Variants in ADGRL4 observed in about 807,000 individuals in gnomAD.
ADGRL4 encodes adhesion G protein-coupled receptor L4, also known as EGF, latrophilin and seven transmembrane domain containing 1.
Under a neutral mutation model 74.8 loss-of-function variants are expected in ADGRL4, and 90 were observed. The observed-to-expected ratio is 1.20, with a 90% CI of 1.02 to 1.43. The LOEUF is 1.43. ADGRL4 is among the 40% of genes most tolerant of loss of function. The pLI, the probability that ADGRL4 is intolerant of heterozygous loss-of-function variation, is 0.00. For synonymous variants in ADGRL4, 311 were observed against 279.2 expected (o/e 1.11, Z -1.14); for missense variants, 881 against 814.3 (o/e 1.08, Z -1.00).
intron 2 of ADGRL4, among the ~76,000 whole-genome samples, chr1:79,004,293 CAG>C (rs1180588138): frequency 1.3e-5 from 2 of 151,980 alleles, no homozygotes; most frequent in African/African-American, 4.8e-5. Context: ...CTCTTCTACA[CAG>C]GACGTTGGTC....
intron 2 of ADGRL4, among the ~76,000 whole-genome samples, chr1:78,986,150 C>A (rs558375573): frequency 6.6e-6 from 1 of 151,808 alleles, no homozygotes; most frequent in African/African-American, 2.4e-5. Context: ...AACAAACCTG[C>A]ACATGAATCC....
intron 2 of ADGRL4, among the ~76,000 whole-genome samples, chr1:78,976,805 A>T (rs78253602): frequency 0.078 from 11,815 of 151,290 alleles, 486 homozygotes; most frequent in South Asian, 0.11. Flanking sequence ...AGAAAAAAAA[A>T]AAACCTCCAG....
Position 78,913,646 on chromosome 1 carries a change from G to A in ADGRL4, c.1749+3988C>T, listed in dbSNP as rs116249288. On this transcript the variant is annotated intron_variant, in intron 12 of 14. Transcript: ENST00000370742. ...TGAGTGTAGAAGATGGAAGGAGGGA[G>A]AAGATCAGGTAAAATCACTAATGGG... Among the ~76,000 whole-genome samples, 554 of 151,890 alleles carry A rather than the reference G, an allele frequency of 3.6e-3. 7 individuals carry two copies. The highest frequency in any genetic ancestry group is 0.013 in the African/African-American group (525 of 41,470).
rs940203336 is a variant in ADGRL4 at position 78,890,679 on chromosome 1, C to G, written c.*475G>C. On this transcript the variant is annotated 3_prime_UTR_variant, in exon 15 of 15. Transcript: ENST00000370742. ...AAAAAACAGTTCATTCAAAATACATCTTATCATTCCCTTTTCACTGTTTGA... is the reference window on the plus strand; with the variant it reads ...AAAAAACAGTTCATTCAAAATACATGTTATCATTCCCTTTTCACTGTTTGA... 2 of 153,094 alleles carry G rather than the reference C, an allele frequency of 1.3e-5. No individual in the cohort carries two copies. Among genetic ancestry groups the G allele is most frequent in the Admixed American group, 1.3e-4 (2 of 15,310 alleles). 9.5% of individuals were successfully genotyped at this position (153,094 alleles called of 1,614,324 possible).
At chr1:78,949,310 G>T (rs527373720) in intron 2 of ADGRL4, among the ~76,000 whole-genome samples, 2 of 152,054 alleles carry the variant, frequency 1.3e-5, no homozygotes, top group Non-Finnish European at 2.9e-5. Flanking sequence ...TACATTAATA[G>T]GTAGAAAAAA....
At chr1:78,966,197 G>A (rs186567200) in intron 2 of ADGRL4, among the ~76,000 whole-genome samples, 10 of 152,224 alleles carry the variant, frequency 6.6e-5, no homozygotes, top group East Asian at 3.9e-4. Context: ...CCTTTGCAGC[G>A]GGGAAGAGCC....
chr1:78,975,712 G>C (rs531569276), intron 2 of ADGRL4, among the ~76,000 whole-genome samples: 3 of 151,650 alleles, frequency 2.0e-5, no homozygotes, highest in Non-Finnish European at 2.9e-5. Flanking sequence ...ACTATTTTGC[G>C]CTGGGCAAGG....
rs534810888 is a variant in ADGRL4, at chr1:78,959,513, T to G, written c.173-13087A>C. On this transcript the variant is annotated intron_variant, in intron 2 of 14. Transcript: ENST00000370742. ...AGCAAAAACACATTCATAGCATCCTTAACATCTTCAGTTAGTCATGTCTCC... is the reference window on the plus strand; with the variant it reads ...AGCAAAAACACATTCATAGCATCCTGAACATCTTCAGTTAGTCATGTCTCC... Among the ~76,000 whole-genome samples, 11 of 152,280 alleles carry G rather than the reference T, an allele frequency of 7.2e-5. No individual in the cohort carries two copies. In the South Asian group the frequency reaches 2.1e-3, roughly 29 times the overall value.
chr1:78,962,163 G>A (rs913463199), intron 2 of ADGRL4, among the ~76,000 whole-genome samples: 1 of 152,160 alleles, frequency 6.6e-6, no homozygotes. Context: ...TTACAGGCAT[G>A]AGCCACCGGG....
At chr1:78,995,143 T>C (rs1459627855) in intron 2 of ADGRL4, among the ~76,000 whole-genome samples, 1 of 152,146 alleles carries the variant, frequency 6.6e-6, no homozygotes, top group Non-Finnish European at 1.5e-5. Context: ...ACCTTCCCAA[T>C]AGGAGAGCAA....
chr1:78,945,957 A>T (rs1048785448), intron 3 of ADGRL4, among the ~76,000 whole-genome samples: 1 of 152,136 alleles, frequency 6.6e-6, no homozygotes. Context: ...ATTATTCTAA[A>T]GTGTAAACAT....
Position 78,946,423 on chromosome 1 carries a change from T to C in ADGRL4, c.176A>G (p.Asp59Gly). 6.2e-7 allele frequency: 1 copy of C among 1,605,502 alleles called. No homozygotes were observed. Residue 59 changes from aspartate (D) to glycine (G), a missense_variant, in exon 3 of 15, where the codon GAT becomes GGT. Asp to Gly is a moderately conservative substitution (Grantham distance 94). Coordinates refer to ENST00000370742, the MANE Select transcript of ADGRL4 (RefSeq NM_022159.4). ...SGNGVTICED[D>G]NECGNLTQSC... ...CTGAGTTAAATTTCCACATTCATTA[T>C]CATCTGTTGGCATATGAATTTAAAA... is the stretch of plus-strand genomic sequence containing the variant.
chr1:78,947,290 C>T (rs1328894719), intron 2 of ADGRL4, among the ~76,000 whole-genome samples: 1 of 152,034 alleles, frequency 6.6e-6, no homozygotes, highest in East Asian at 1.9e-4. Context: ...AGGTCATACT[C>T]GATTATGGTG....
chr1:78,937,736 C>A, intron 6 of ADGRL4, 71 bp downstream of exon 6: 1 of 1,441,842 alleles, frequency 6.9e-7, no homozygotes, highest in Non-Finnish European at 9.5e-7. Flanking sequence ...TGCCTCCTAA[C>A]CCCACCCAAA....
intron 2 of ADGRL4, among the ~76,000 whole-genome samples, chr1:78,997,308 C>A (rs1204230910): frequency 6.6e-6 from 1 of 152,088 alleles, no homozygotes; most frequent in African/African-American, 2.4e-5. Flanking sequence ...TTGCAGCTTC[C>A]CTATTCTATC....
Position 78,931,663 on chromosome 1 carries a change from G to A in ADGRL4, c.878-4572C>T, listed in dbSNP as rs569091966. Among the ~76,000 whole-genome samples, 34 of 151,172 alleles carry A rather than the reference G, an allele frequency of 2.2e-4. No homozygotes were observed. In the East Asian group the frequency reaches 3.3e-3, roughly 15 times the overall value. On this transcript the variant is annotated intron_variant, in intron 7 of 14. Transcript: ENST00000370742. The stretch of plus-strand genomic sequence containing the variant: ...ATTGGATAAAGAGTTGAGACCCATC[G>A]GTGTGCTATGTTCAGGAGACCCATA...
intron 3 of ADGRL4, among the ~76,000 whole-genome samples, chr1:78,945,347 G>A (rs1223223157): frequency 6.6e-6 from 1 of 151,382 alleles, no homozygotes; most frequent in Non-Finnish European, 1.5e-5. Context: ...GTCTAACCTT[G>A]GCTACATGAT....
chr1:78,937,903 G>C lies in ADGRL4; in HGVS notation c.664C>G (p.Leu222Val), dbSNP rs1649388979. Residue 222 changes from leucine (L) to valine (V), a missense_variant, in exon 6 of 15, where the codon CTT becomes GTT. Leu to Val is a conservative substitution (Grantham distance 32). Coordinates refer to ENST00000370742, the MANE Select transcript of ADGRL4 (RefSeq NM_022159.4). ...KLSVNHRRTH[L>V]TKLMHTVEQA... ...TCAACAGTGTGCATGAGTTTTGTAA[G>C]ATGTGTTCTCCTATGATTCACAGAT... The C allele has an allele frequency of 6.2e-7, 1 of 1,614,000 alleles. No homozygotes were observed. The highest frequency in any genetic ancestry group is 1.3e-5 in the African/African-American group (1 of 75,052).
intron 1 of ADGRL4, 30 bp downstream of exon 1, chr1:79,006,603 C>T: frequency 6.5e-7 from 1 of 1,534,488 alleles, no homozygotes; most frequent in Non-Finnish European, 8.8e-7. Flanking sequence ...CCTCCGACGA[C>T]CTCGGCGACC....
Sources: allele counts gnomAD v4.1 joint callset (sites outside exome capture counted in the v4.1 genomes callset), GRCh38; gene constraint gnomAD v4.1.1; transcripts MANE v1.5; gene names NCBI Gene and HGNC (gene_info 2026-07-23, HGNC 2026-07-21).